Variants in MYRIP observed in about 807,000 individuals in gnomAD.
The protein encoded by MYRIP is myosin VIIA and Rab interacting protein.
In MYRIP, 49 loss-of-function variants were observed where a neutral mutation model predicts 98.0. The observed-to-expected ratio is 0.50, with a 90% confidence interval of 0.40 to 0.63. MYRIP has a LOEUF of 0.63. Among genes scored for constraint, MYRIP ranks in the 30% least tolerant of loss-of-function variants. The pLI, the probability that MYRIP is intolerant of heterozygous loss-of-function variation, is 0.00. For missense variants in MYRIP, 1,004 were observed against 1,058.2 expected (o/e 0.95, Z 0.71); for synonymous variants, 404 against 409.5 (o/e 0.99, Z 0.16).
intron 3 of MYRIP, among the ~76,000 whole-genome samples, chr3:40,124,165 A>G (rs138305353): frequency 1.4e-3 from 216 of 152,318 alleles, no homozygotes; most frequent in African/African-American, 5.0e-3. Context: ...TCTCAGAGGG[A>G]AGTGTAGCAA....
intron 4 of MYRIP, among the ~76,000 whole-genome samples, chr3:40,160,495 G>T (rs914248784): frequency 6.6e-6 from 1 of 152,218 alleles, no homozygotes; most frequent in Admixed American, 6.5e-5. Flanking sequence ...AGGCAGGCAG[G>T]CCTCCTTGAG....
intron 2 of MYRIP, among the ~76,000 whole-genome samples, chr3:40,024,365 A>C (rs943783193): frequency 2.0e-5 from 3 of 152,122 alleles, no homozygotes; most frequent in Admixed American, 6.6e-5. Flanking sequence ...CTGAGCTACC[A>C]TGAGATTAGG....
At chr3:39,868,824 T>G (rs1942699682) in intron 1 of MYRIP, among the ~76,000 whole-genome samples, 1 of 152,154 alleles carries the variant, frequency 6.6e-6, no homozygotes, top group Non-Finnish European at 1.5e-5. Context: ...GATATAAAAT[T>G]ATGGGTTGAT....
intron 3 of MYRIP, among the ~76,000 whole-genome samples, chr3:40,132,900 C>T (rs569838976): frequency 1.4e-4 from 21 of 152,386 alleles, no homozygotes; most frequent in African/African-American, 4.6e-4. Flanking sequence ...TCCAGCCCTC[C>T]TTACTCAGAG....
chr3:40,213,818 T>C (rs1246053386), intron 11 of MYRIP, among the ~76,000 whole-genome samples: 1 of 152,014 alleles, frequency 6.6e-6, no homozygotes, highest in Non-Finnish European at 1.5e-5. Context: ...GCCAGAGAAA[T>C]ACCACTCCCA....
chr3:39,893,682 A>G (rs548305464), intron 1 of MYRIP, among the ~76,000 whole-genome samples: 9 of 141,600 alleles, frequency 6.4e-5, no homozygotes, highest in African/African-American at 2.3e-4. Context: ...AATCACACAC[A>G]CACACACACA....
chr3:39,966,265 G>A lies in MYRIP; in HGVS notation c.110+65339G>A, dbSNP rs557234432. ...GGCCTAAGCCCAGAAGCTTTGGAAG[G>A]CAAGGGAGGGCACCCTGAGTTTTAC... On this transcript the variant is annotated intron_variant, in intron 2 of 16. Coordinates refer to ENST00000302541, the MANE Select transcript of MYRIP (RefSeq NM_015460.4). 3.3e-5 allele frequency among the ~76,000 whole-genome samples: 5 copies of A among 152,278 alleles called. No individual in the cohort carries two copies. The East Asian group carries it at 9.7e-4, about 29-fold the overall frequency.
At chr3:40,129,470 AAAAAAATCATGCCACCTCCG>A (rs1949593587) in intron 3 of MYRIP, among the ~76,000 whole-genome samples, 2 of 136,954 alleles carry the variant, frequency 1.5e-5, no homozygotes, top group South Asian at 5.1e-4. Context: ...AAAAAAAAAA[AAAAAAATCATGCCACCTCCG>A]AAAACACCCA....
rs1237416555 is a variant in MYRIP at position 40,125,736 on chromosome 3, G to A, written c.333-25312G>A. On this transcript the variant is annotated intron_variant, in intron 3 of 16. Coordinates refer to ENST00000302541, the MANE Select transcript of MYRIP (RefSeq NM_015460.4). The stretch of plus-strand genomic sequence containing the variant: ...GCATAGAGGGCCTAGGAGCAGCTGC[G>A]GGTAAATCACACACACGTCTTCTCA... 3.9e-5 allele frequency among the ~76,000 whole-genome samples: 6 copies of A among 152,220 alleles called. No individual in the cohort carries two copies. In the East Asian group the frequency reaches 9.7e-4, roughly 25 times the overall value.
At chr3:39,874,361 G>C (rs145256311) in intron 1 of MYRIP, among the ~76,000 whole-genome samples, 7,656 of 151,572 alleles carry the variant, frequency 0.051, 265 homozygotes, top group African/African-American at 0.065. Flanking sequence ...GCCTGGGCCA[G>C]AACTTCCAAC....
chr3:40,073,614 T>G (rs1329188352), intron 3 of MYRIP, among the ~76,000 whole-genome samples: 2 of 152,274 alleles, frequency 1.3e-5, no homozygotes, highest in Non-Finnish European at 2.9e-5. Context: ...AAATCTGTAT[T>G]TATTGCCTCT....
intron 3 of MYRIP, among the ~76,000 whole-genome samples, chr3:40,149,948 T>C (rs1950086231): frequency 6.6e-6 from 1 of 152,220 alleles, no homozygotes; most frequent in Admixed American, 6.5e-5. Flanking sequence ...CTTGTTGGTT[T>C]TCTGAATTTT....
intron 2 of MYRIP, among the ~76,000 whole-genome samples, chr3:40,010,862 C>A (rs1032609390): frequency 2.0e-5 from 3 of 152,126 alleles, no homozygotes; most frequent in Admixed American, 6.6e-5. Flanking sequence ...CCTCTCTCTG[C>A]CTCCTGATGC....
intron 3 of MYRIP, chr3:40,099,960 G>A: frequency 1.0e-6 from 1 of 980,744 alleles, no homozygotes; most frequent in Non-Finnish European, 1.2e-6. Flanking sequence ...CTCGGCATTG[G>A]TTGTCTGAGA....
intron 2 of MYRIP, among the ~76,000 whole-genome samples, chr3:40,040,991 AAAG>A (rs1210051424): frequency 2.9e-4 from 17 of 58,678 alleles, no homozygotes; most frequent in African/African-American, 8.8e-4. Flanking sequence ...TAAAAAAAAA[AAAG>A]AAAAAAAAAA....
intron 1 of MYRIP, among the ~76,000 whole-genome samples, chr3:39,816,078 C>CTT (rs11382431): frequency 2.0e-4 from 29 of 143,206 alleles, no homozygotes; most frequent in Non-Finnish European, 2.6e-4. Flanking sequence ...TTCTTTTTTT[C>CTT]TTTTTTTTTT....
chr3:40,046,690 G>A (rs983848112), intron 3 of MYRIP, among the ~76,000 whole-genome samples: 3 of 151,444 alleles, frequency 2.0e-5, no homozygotes, highest in Non-Finnish European at 4.4e-5. Flanking sequence ...ATTGAAGCGG[G>A]ATGATGGCAA....
chr3:40,003,075 CTA>C (rs1946556936), intron 2 of MYRIP, among the ~76,000 whole-genome samples: 1 of 151,184 alleles, frequency 6.6e-6, no homozygotes. Context: ...TATATAGAAT[CTA>C]TACATACATT....
Position 39,841,194 on chromosome 3 carries a change from T to G in MYRIP, c.-31+31278T>G, listed in dbSNP as rs1212288541. 5.3e-5 allele frequency among the ~76,000 whole-genome samples: 8 copies of G among 152,290 alleles called. No individual in the cohort carries two copies. The East Asian group carries it at 1.3e-3, about 26-fold the overall frequency. ...TCTGTAATCTTGTCTTCATGGTTTA[T>G]TTCATTAAGTTGATCTTCAATCGCT... On this transcript the variant is annotated intron_variant, in intron 1 of 16. Transcript: ENST00000302541.
Sources: gnomAD v4.1 joint callset for allele counts (sites outside exome capture counted in the v4.1 genomes callset) on GRCh38, gnomAD v4.1.1 for gene constraint, MANE v1.5 for transcripts, NCBI Gene and HGNC (gene_info 2026-07-23, HGNC 2026-07-21) for gene names.